Variants in MORC1 observed in about 807,000 individuals in gnomAD.
MORC1 encodes the protein MORC family CW-type zinc finger 1.
A neutral mutation model predicts 134.9 loss-of-function variants in MORC1; 59 were observed. That is an observed-to-expected ratio of 0.44 (90% CI 0.35 to 0.54). The LOEUF is 0.54. Ranked by LOEUF, MORC1 falls within the 20% of genes least tolerant of loss-of-function variation. The probability of loss-of-function intolerance (pLI) is 0.00; values close to 1 mark genes in which losing one functional copy is unlikely to be tolerated. For synonymous variants in MORC1, 395 were observed against 391.7 expected (o/e 1.01, Z -0.10); for missense variants, 947 against 1,134.5 (o/e 0.83, Z 2.37).
intron 23 of MORC1, 56 bp from the exon 24 acceptor site, chr3:108,979,723 C>T: frequency 6.3e-7 from 1 of 1,575,104 alleles, no homozygotes; most frequent in East Asian, 2.3e-5. Flanking sequence ...ATTTCAGAAA[C>T]ACTAATATAC....
chr3:109,002,288 A>C (rs1948425401), intron 20 of MORC1, among the ~76,000 whole-genome samples: 1 of 152,176 alleles, frequency 6.6e-6, no homozygotes, highest in African/African-American at 2.4e-5. Context: ...AGATGGAACA[A>C]TGCTTTACTC....
intron 24 of MORC1, among the ~76,000 whole-genome samples, chr3:108,978,055 T>G (rs1947612109): frequency 6.6e-6 from 1 of 152,094 alleles, no homozygotes; most frequent in African/African-American, 2.4e-5. Context: ...TTTTTTGTAT[T>G]TTTAGTAGAG....
At chr3:109,117,280 A>C (rs1951292349) in intron 1 of MORC1, among the ~76,000 whole-genome samples, 1 of 149,918 alleles carries the variant, frequency 6.7e-6, no homozygotes, top group South Asian at 2.1e-4. Flanking sequence ...AATTTGGTAC[A>C]TCCCTGATAT....
chr3:109,117,148 A>G (rs1355201462), intron 1 of MORC1, among the ~76,000 whole-genome samples: 1 of 152,182 alleles, frequency 6.6e-6, no homozygotes, highest in Non-Finnish European at 1.5e-5. Flanking sequence ...AAGAGAGATG[A>G]AAACTGAGTA....
chr3:109,116,242 C>A lies in MORC1; in HGVS notation c.65+1753G>T, dbSNP rs189664328. On this transcript the variant is annotated intron_variant, in intron 1 of 27. Coordinates refer to ENST00000232603, the MANE Select transcript of MORC1 (RefSeq NM_014429.4). The stretch of plus-strand genomic sequence containing the variant: ...TAAAAAGCTCACTCTGGCAGCTTTC[C>A]AGGAAAATGGACCATCTAGCAGCCA... 2.0e-4 allele frequency among the ~76,000 whole-genome samples: 30 copies of A among 150,878 alleles called. No homozygotes were observed. In the East Asian group the frequency reaches 5.6e-3, roughly 28 times the overall value.
chr3:109,056,661 G>A (rs1289371878), intron 13 of MORC1, among the ~76,000 whole-genome samples: 2 of 152,150 alleles, frequency 1.3e-5, no homozygotes, highest in Non-Finnish European at 2.9e-5. Context: ...TTAGTATAGT[G>A]CCTGGCATAC....
chr3:109,037,866 A>C (rs910562667), intron 14 of MORC1, among the ~76,000 whole-genome samples: 1 of 152,144 alleles, frequency 6.6e-6, no homozygotes, highest in Admixed American at 6.5e-5. Context: ...GGTTGGTTCC[A>C]AGTCTTTGCT....
At chr3:108,982,813 C>T (rs909340544) in intron 23 of MORC1, among the ~76,000 whole-genome samples, 4 of 151,708 alleles carry the variant, frequency 2.6e-5, no homozygotes, top group Admixed American at 6.6e-5. Context: ...CCCAAAAAGT[C>T]GTTAAGGCCC....
intron 17 of MORC1, among the ~76,000 whole-genome samples, chr3:109,018,011 C>G (rs1049280189): frequency 6.6e-6 from 1 of 152,172 alleles, no homozygotes; most frequent in Non-Finnish European, 1.5e-5. Context: ...GTGGTGCATA[C>G]ATCTGGGAAG....
At chr3:109,011,988 T>G (rs1351266489) in intron 17 of MORC1, among the ~76,000 whole-genome samples, 1 of 152,250 alleles carries the variant, frequency 6.6e-6, no homozygotes, top group Non-Finnish European at 1.5e-5. Context: ...ATTTTCTTTT[T>G]ATAGATCATG....
intron 3 of MORC1, 85 bp from the exon 4 acceptor site, chr3:109,104,002 T>C (rs1323320443): frequency 1.5e-5 from 19 of 1,232,604 alleles, no homozygotes; most frequent in Admixed American, 5.1e-5. Flanking sequence ...ATTATTCGTC[T>C]TCCTCCAATG....
chr3:108,961,176 T>C (rs548913438), intron 27 of MORC1, among the ~76,000 whole-genome samples: 2 of 152,236 alleles, frequency 1.3e-5, no homozygotes, highest in South Asian at 2.1e-4. Context: ...TAGCACTAAG[T>C]GTCTAGCACC....
intron 7 of MORC1, 145 bp from the exon 8 acceptor site, chr3:109,093,686 G>T: frequency 3.2e-6 from 2 of 616,454 alleles, no homozygotes; most frequent in African/African-American, 1.8e-5. Context: ...CTAACTCTTT[G>T]GCTAAGCCAA....
intron 24 of MORC1, among the ~76,000 whole-genome samples, chr3:108,976,106 AG>A (rs1947546473): frequency 6.6e-6 from 1 of 152,208 alleles, no homozygotes; most frequent in Non-Finnish European, 1.5e-5. Context: ...AAGTAATATA[AG>A]ACAGGAAAAT....
intron 14 of MORC1, among the ~76,000 whole-genome samples, chr3:109,053,739 TA>T (rs1315155815): frequency 2.0e-5 from 3 of 152,278 alleles, no homozygotes; most frequent in East Asian, 3.9e-4. Flanking sequence ...TATACCTCTG[TA>T]ACAACCTTGT....
At chr3:109,039,304 C>T (rs895190458) in intron 14 of MORC1, among the ~76,000 whole-genome samples, 1 of 152,188 alleles carries the variant, frequency 6.6e-6, no homozygotes, top group Non-Finnish European at 1.5e-5. Context: ...GATTTGAGTG[C>T]TGGTTCTGTT....
chr3:108,961,374 C>T (rs571090984), intron 27 of MORC1, among the ~76,000 whole-genome samples: 26 of 152,188 alleles, frequency 1.7e-4, no homozygotes, highest in Non-Finnish European at 3.5e-4. Flanking sequence ...TTCGCTGACC[C>T]TGAAGAATGC....
At chr3:109,102,566 A>T (rs1209717813) in intron 4 of MORC1, among the ~76,000 whole-genome samples, 1 of 152,136 alleles carries the variant, frequency 6.6e-6, no homozygotes, top group Non-Finnish European at 1.5e-5. Context: ...GATAGATTCT[A>T]CTTTTAGTCA....
intron 17 of MORC1, among the ~76,000 whole-genome samples, chr3:109,025,309 T>C (rs1033252987): frequency 3.3e-5 from 5 of 151,758 alleles, no homozygotes; most frequent in African/African-American, 4.8e-5. Context: ...CCTCTATTTA[T>C]CCTAAATAGA....
Sources: allele counts gnomAD v4.1 joint callset (sites outside exome capture counted in the v4.1 genomes callset), GRCh38; gene constraint gnomAD v4.1.1; transcripts MANE v1.5; gene names NCBI Gene and HGNC (gene_info 2026-07-23, HGNC 2026-07-21).